The following TCF3 variants were observed in gnomAD, a reference collection of about 807,000 sequenced individuals.
TCF3 encodes transcription factor E2-alpha.
Under a neutral mutation model 72.3 loss-of-function variants are expected in TCF3, and 54 were observed. The observed-to-expected ratio is 0.75, with a 90% CI of 0.60 to 0.94. The LOEUF is 0.94. Ranked by LOEUF, TCF3 falls within the 40% of genes least tolerant of loss-of-function variation. TCF3 has a pLI of 0.00. For synonymous variants in TCF3, 525 were observed against 412.6 expected (o/e 1.27, Z -3.30); for missense variants, 1,078 against 934.4 (o/e 1.15, Z -2.00).
At chr19:1,630,283 G>GT (rs2144808896) in intron 5 of TCF3, among the ~76,000 whole-genome samples, 1 of 152,300 alleles carries the variant, frequency 6.6e-6, no homozygotes, top group African/African-American at 2.4e-5. Flanking sequence ...CACCTACCCC[G>GT]TAAGGGGAAC....
At chr19:1,619,891 C>CG (rs1040324332) in intron 13 of TCF3, 38 bp from the exon 14 acceptor site, 2 of 1,506,306 alleles carry the variant, frequency 1.3e-6, no homozygotes, top group Admixed American at 2.0e-5. Context: ...GTGCGAGGGG[C>CG]GGGGTGTGAG....
At chr19:1,646,171 G>A (rs2066060860) in intron 3 of TCF3, among the ~76,000 whole-genome samples, 184 bp downstream of exon 3, 1 of 152,168 alleles carries the variant, frequency 6.6e-6, no homozygotes, top group African/African-American at 2.4e-5. Flanking sequence ...CCCAAGGCAG[G>A]TCACACGGGC....
chr19:1,645,548 C>T (rs1039574754), intron 3 of TCF3, among the ~76,000 whole-genome samples: 47 of 152,226 alleles, frequency 3.1e-4, no homozygotes, highest in African/African-American at 1.1e-3. Flanking sequence ...AAATTCCTCC[C>T]CTCATGCTCC....
rs948921699 is a variant in TCF3 at position 1,633,203 on chromosome 19, C to T, written c.146-798G>A. 2.0e-5 allele frequency among the ~76,000 whole-genome samples: 3 copies of T among 152,326 alleles called. No individual in the cohort carries two copies. In the South Asian group the frequency reaches 6.2e-4, roughly 32 times the overall value. ...CTGCTTGGATCCTTCCCCCTTCCAT[C>T]GGGGGCCACAGAGCACACCCGTGGA... On this transcript the variant is annotated intron_variant, in intron 3 of 18. Transcript: ENST00000262965.
Position 1,650,304 on chromosome 19 carries a change from G to C in TCF3, c.-39-17C>G. ...CTGGAAACCCTGCTTGGTGGATGTG[G>C]GGACAGATGGACAGGGAGAAACAGG... On this transcript the variant is annotated splice_polypyrimidine_tract_variant and intron_variant, in intron 1 of 18. Coordinates refer to ENST00000262965, the MANE Select transcript of TCF3 (RefSeq NM_003200.5). 2 of 1,502,800 alleles carry C rather than the reference G, an allele frequency of 1.3e-6. No homozygotes were observed. Among genetic ancestry groups the C allele is most frequent in the Admixed American group, 2.0e-5 (1 of 50,608 alleles). 93.1% of individuals were successfully genotyped at this position (1,502,800 alleles called of 1,614,324 possible). A position where few individuals can be genotyped will look rare whatever the true frequency, so the allele number is the denominator to read the frequency against.
chr19:1,642,487 G>C (rs1285251543), intron 3 of TCF3, among the ~76,000 whole-genome samples: 2 of 152,190 alleles, frequency 1.3e-5, no homozygotes, highest in Non-Finnish European at 2.9e-5. Flanking sequence ...AATCCCGAAA[G>C]ACTTCAGAAT....
At chr19:1,637,954 T>A (rs1324303315) in intron 3 of TCF3, among the ~76,000 whole-genome samples, 1 of 151,636 alleles carries the variant, frequency 6.6e-6, no homozygotes, top group African/African-American at 2.4e-5. Context: ...GAACCCAACA[T>A]GGAACAAAAA....
rs745516889 is a variant in TCF3, at chr19:1,615,812, C to G, written c.1460G>C (p.Arg487Pro). ...RPPDSYSGLG[R>P]AGATAAASEI... The stretch of plus-strand genomic sequence containing the variant: ...GCTGGCGGCCGCCGTGGCACCTGCT[C>G]GCCCTAGCCCTGCAACAGGCCTAGG... Residue 487 changes from arginine to proline, a missense_variant, in exon 17 of 19, where the codon CGA becomes CCA. Transcript: ENST00000262965. The surrounding 1 kb of genome is among the most constrained non-coding windows in gnomAD (Gnocchi z 7.3). 3 of 1,559,278 alleles carry G rather than the reference C, an allele frequency of 1.9e-6. No individual in the cohort carries two copies. Among genetic ancestry groups the G allele is most frequent in the African/African-American group, 1.4e-5 (1 of 73,902 alleles).
At position 1,625,665 on chromosome 19, in the gene TCF3, G is replaced by A. The variant is rs1453868159; in HGVS notation, c.410C>T (p.Pro137Leu). 2 of 1,530,224 alleles carry A rather than the reference G, an allele frequency of 1.3e-6. No homozygotes were observed. Among genetic ancestry groups the A allele is most frequent in the Non-Finnish European group, 1.7e-6 (2 of 1,145,646 alleles). 94.8% of individuals were successfully genotyped at this position (1,530,224 alleles called of 1,614,324 possible). ...SGELALNSPG[P>L]LSPSGMKGTS... The stretch of plus-strand genomic sequence containing the variant: ...CCCCTTCATGCCCGAAGGGGACAGG[G>A]GCCCGGGGCTGTTGAGGGCCAGCTC... The change falls in exon 7 of 19, where the codon CCC becomes CTC. Residue 137 changes from proline (P) to leucine (L), a missense_variant. Transcript: ENST00000262965.
intron 16 of TCF3, 27 bp downstream of exon 16, chr19:1,619,084 C>A (rs773301662): frequency 2.5e-6 from 4 of 1,598,700 alleles, no homozygotes; most frequent in South Asian, 2.2e-5. Flanking sequence ...AACCAGGAGT[C>A]GGACAGTCCC....
rs1447233292 is a variant in TCF3, at chr19:1,623,974, C to A, written c.526G>T (p.Val176Phe). ...ACCGAGGATGGAAGACCCGGCGGGA[C>A]CTTCCGGACCTTCTTGGGCTGCGTG... is the stretch of plus-strand genomic sequence containing the variant. ...LDTQPKKVRK[V>F]PPGLPSSVYP... Residue 176 changes from valine (V) to phenylalanine (F), a missense_variant, in exon 8 of 19, where the codon GTC (valine) becomes TTC (phenylalanine). Coordinates refer to ENST00000262965, the MANE Select transcript of TCF3 (RefSeq NM_003200.5). 3 of 1,613,308 alleles carry A rather than the reference C, an allele frequency of 1.9e-6. No individual in the cohort carries two copies. The highest frequency in any genetic ancestry group is 2.5e-6 in the Non-Finnish European group (3 of 1,179,962).
chr19:1,651,628 C>A (rs1466600542), intron 1 of TCF3, among the ~76,000 whole-genome samples: 1 of 152,108 alleles, frequency 6.6e-6, no homozygotes, highest in Non-Finnish European at 1.5e-5. Context: ...TTGCACGGCG[C>A]CGAAGGCGGG....
intron 5 of TCF3, chr19:1,631,821 G>A (rs75384061): frequency 0.01 from 12,703 of 1,257,012 alleles, 164 homozygotes; most frequent in South Asian, 0.044. Flanking sequence ...ACGCTCAGGC[G>A]GGGAAGCCTA....
intron 5 of TCF3, among the ~76,000 whole-genome samples, chr19:1,630,997 A>G (rs2063648752): frequency 1.3e-5 from 2 of 152,190 alleles, no homozygotes; most frequent in Admixed American, 1.3e-4. Flanking sequence ...ACCCAGCCGC[A>G]GACCCCCGGC....
At chr19:1,618,887 G>A (rs1199227152) in intron 16 of TCF3, among the ~76,000 whole-genome samples, 1 of 152,214 alleles carries the variant, frequency 6.6e-6, no homozygotes, top group Non-Finnish European at 1.5e-5. Context: ...GGGAGCAGGC[G>A]AATGAAGAGG....
chr19:1,630,342 A>T (rs2012125), intron 5 of TCF3, among the ~76,000 whole-genome samples: 8 of 152,072 alleles, frequency 5.3e-5, no homozygotes, highest in African/African-American at 1.9e-4. Flanking sequence ...CACACCCGCC[A>T]GACCTTCACG....
At chr19:1,642,247 C>T (rs986994467) in intron 3 of TCF3, among the ~76,000 whole-genome samples, 2 of 151,514 alleles carry the variant, frequency 1.3e-5, no homozygotes, top group Non-Finnish European at 2.9e-5. Flanking sequence ...CGCAGACGCA[C>T]ACACACGTGC....
At chr19:1,622,912 T>C (rs971967289) in intron 8 of TCF3, among the ~76,000 whole-genome samples, 1 of 152,150 alleles carries the variant, frequency 6.6e-6, no homozygotes, top group Non-Finnish European at 1.5e-5. Context: ...CTGCCTGGAC[T>C]GTGGGGCTGG....
rs778429747 is a variant in TCF3, at chr19:1,615,272, C to T, written c.1822+13G>A. 66 of 1,573,238 alleles carry T rather than the reference C, an allele frequency of 4.2e-5. No individual in the cohort carries two copies. The East Asian group carries it at 7.0e-4, about 17-fold the overall frequency. ...GCGCTGCAGGGACGCTGGTGGCCCGCGCCCCCACTGACCTCGCACTTGCTG... is the reference window on the plus strand; with the variant it reads ...GCGCTGCAGGGACGCTGGTGGCCCGTGCCCCCACTGACCTCGCACTTGCTG... On this transcript the variant is annotated intron_variant, in intron 18 of 18. Coordinates refer to ENST00000262965, the MANE Select transcript of TCF3 (RefSeq NM_003200.5). This position sits in a 1 kb window ranked among gnomAD's most constrained non-coding sequence, Gnocchi z 7.3.
Sources: gnomAD v4.1 joint callset for allele counts (sites outside exome capture counted in the v4.1 genomes callset) on GRCh38, gnomAD v4.1.1 for gene constraint, Gnocchi (gnomAD v3.1) non-coding constraint, MANE v1.5 for transcripts, NCBI Gene and HGNC (gene_info 2026-07-23, HGNC 2026-07-21) for gene names.